KLHDC8A: variants seen among roughly 807,000 people sequenced by gnomAD.
The protein encoded by KLHDC8A is kelch domain containing 8A.
KLHDC8A carries 21 observed loss-of-function variants against 33.1 expected under a neutral mutation model. That is an observed-to-expected ratio of 0.64 (90% confidence interval 0.45 to 0.91). The LOEUF is 0.91. Ranked by LOEUF, KLHDC8A falls within the 40% of genes least tolerant of loss-of-function variation. The probability of loss-of-function intolerance (pLI) is 0.00; values close to 1 mark genes in which losing one functional copy is unlikely to be tolerated. For missense variants in KLHDC8A, 435 were observed against 483.3 expected (o/e 0.90, Z 0.94); for synonymous variants, 173 against 193.5 (o/e 0.89, Z 0.88).
chr1:205,352,818 G>A (rs1663153989), intron 1 of KLHDC8A, among the ~76,000 whole-genome samples: 1 of 152,226 alleles, frequency 6.6e-6, no homozygotes, highest in African/African-American at 2.4e-5. Flanking sequence ...CAGGGCCTTG[G>A]CCCTTGAGCA....
Position 205,349,642 on chromosome 1 carries a change from G to T in KLHDC8A, c.-189-5849C>A, listed in dbSNP as rs77808698. ...CTTCCCTGTGCTTACTGAGGAAATC[G>T]TAAGAGGAAATGGGGCTTACAATAA... On this transcript the variant is annotated intron_variant, in intron 1 of 5. Coordinates refer to ENST00000367155, the MANE Select transcript of KLHDC8A (RefSeq NM_018203.3). Among the ~76,000 whole-genome samples the T allele has an allele frequency of 9.2e-3, 1,404 of 152,312 alleles. 23 individuals are homozygous for T. Among genetic ancestry groups the T allele is most frequent in the African/African-American group, 0.032 (1,336 of 41,552 alleles).
At chr1:205,344,971 G>T (rs537904169) in intron 1 of KLHDC8A, among the ~76,000 whole-genome samples, 102 of 152,234 alleles carry the variant, frequency 6.7e-4, no homozygotes, top group African/African-American at 2.4e-3. Flanking sequence ...GAAACCTGAT[G>T]ATCAAATCTC....
chr1:205,339,540 A>T lies in KLHDC8A; in HGVS notation c.541+104T>A. 1.4e-6 allele frequency: 2 copies of T among 1,452,384 alleles called. No homozygotes were observed. Among genetic ancestry groups the T allele is most frequent in the South Asian group, 1.2e-5 (1 of 80,298 alleles). The allele number at this position is 1,452,384 out of a possible 1,614,324, so 90.0% of individuals were successfully genotyped here. ...TCCCGGTGGGCTGGGCAGTGTGATT[A>T]TCCCCAGTGCCGAGGAGATGCTCAG... On this transcript the variant is annotated intron_variant, in intron 3 of 5. Transcript: ENST00000367155. The surrounding 1 kb of genome is among the most constrained non-coding windows in gnomAD (Gnocchi z 5.1).
chr1:205,352,116 C>T (rs1377464468), intron 1 of KLHDC8A, among the ~76,000 whole-genome samples: 2 of 152,110 alleles, frequency 1.3e-5, no homozygotes, highest in East Asian at 3.9e-4. Context: ...CTCCAGAGAG[C>T]CGGGAAGTGA....
At chr1:205,356,156 T>C (rs72747084) in intron 1 of KLHDC8A, among the ~76,000 whole-genome samples, 2,382 of 151,600 alleles carry the variant, frequency 0.016, 35 homozygotes, top group Non-Finnish European at 0.023. Flanking sequence ...ATCCAGGGTT[T>C]ACCTCCCACG....
Position 205,343,652 on chromosome 1 carries a change from G to A in KLHDC8A, c.-48C>T, listed in dbSNP as rs752723251. 1 of 1,513,332 alleles carries A rather than the reference G, an allele frequency of 6.6e-7. No individual in the cohort carries two copies. Among genetic ancestry groups the A allele is most frequent in the Non-Finnish European group, 8.8e-7 (1 of 1,132,836 alleles). 93.7% of individuals were successfully genotyped at this position (1,513,332 alleles called of 1,614,324 possible). A position where few individuals can be genotyped will look rare whatever the true frequency, so the allele number is the denominator to read the frequency against. On this transcript the variant is annotated 5_prime_UTR_variant, in exon 2 of 6. Transcript: ENST00000367155. ...GCGCCGGGAGAGGTGCGAGCGCGGG[G>A]GTCCACCGGCTACTTGGCGCCGGCT...
rs185095723 is a variant in KLHDC8A at position 205,349,880 on chromosome 1, C to T, written c.-189-6087G>A. Reference sequence around the variant, plus strand: ...CCTCCAGCCTACGTTTTGTTGTAACCGGGCTGTGCAACTATGGGCAAGTCA... The same window carrying T: ...CCTCCAGCCTACGTTTTGTTGTAACTGGGCTGTGCAACTATGGGCAAGTCA... On this transcript the variant is annotated intron_variant, in intron 1 of 5. Coordinates refer to ENST00000367155, the MANE Select transcript of KLHDC8A (RefSeq NM_018203.3). Among the ~76,000 whole-genome samples the T allele has an allele frequency of 1.0e-3, 155 of 152,186 alleles. 1 individual carries two copies. The highest frequency in any genetic ancestry group is 1.1e-3 in the Non-Finnish European group (74 of 68,004).
At chr1:205,353,408 A>C (rs2102302716) in intron 1 of KLHDC8A, among the ~76,000 whole-genome samples, 1 of 152,224 alleles carries the variant, frequency 6.6e-6, no homozygotes, top group East Asian at 1.9e-4. Flanking sequence ...GTTGCAACAG[A>C]GAGCGCATGG....
At chr1:205,342,778 A>G (rs1168088495) in intron 2 of KLHDC8A, among the ~76,000 whole-genome samples, 1 of 152,190 alleles carries the variant, frequency 6.6e-6, no homozygotes, top group Non-Finnish European at 1.5e-5. Flanking sequence ...TTGAGAAAGG[A>G]AAATGAGAAT....
At chr1:205,348,083 C>G (rs1027503478) in intron 1 of KLHDC8A, among the ~76,000 whole-genome samples, 1 of 152,062 alleles carries the variant, frequency 6.6e-6, no homozygotes. Flanking sequence ...AATTTACATA[C>G]AATGAAATGC....
At chr1:205,342,826 ACTTAGTGAAACGC>A (rs1329126584) in intron 2 of KLHDC8A, among the ~76,000 whole-genome samples, 2 of 24,376 alleles carry the variant, frequency 8.2e-5, no homozygotes, top group Non-Finnish European at 1.7e-4. Flanking sequence ...TGCCCTGAGG[ACTTAGTGAAACGC>A]GGCCAGACAT....
chr1:205,337,679 A>C, intron 5 of KLHDC8A, 87 bp from the exon 6 acceptor site: 1 of 904,094 alleles, frequency 1.1e-6, no homozygotes, highest in African/African-American at 1.7e-5. Flanking sequence ...TCCCTTCGGC[A>C]CCCACAAGCA....
At position 205,343,616 on chromosome 1, in the gene KLHDC8A, G is replaced by A; in HGVS notation, c.-12C>T. The stretch of plus-strand genomic sequence containing the variant: ...TTAGGCACCTCCATGGCAGCCTTGG[G>A]GAGCGCCCGGGCGCCGGGAGAGGTG... On this transcript the variant is annotated 5_prime_UTR_variant, in exon 2 of 6. Transcript: ENST00000367155. The A allele has an allele frequency of 6.4e-7, 1 of 1,557,010 alleles. No individual in the cohort carries two copies. Among genetic ancestry groups the A allele is most frequent in the Non-Finnish European group, 8.7e-7 (1 of 1,149,490 alleles).
At chr1:205,355,469 A>G (rs956916692) in intron 1 of KLHDC8A, among the ~76,000 whole-genome samples, 4 of 152,224 alleles carry the variant, frequency 2.6e-5, no homozygotes, top group African/African-American at 7.2e-5. Flanking sequence ...TTAGCATGAT[A>G]ATAACCACCA....
At chr1:205,353,843 A>T (rs937107085) in intron 1 of KLHDC8A, among the ~76,000 whole-genome samples, 13 of 152,218 alleles carry the variant, frequency 8.5e-5, no homozygotes, top group African/African-American at 2.9e-4. Context: ...AATCTCTACA[A>T]CAACCTTGAG....
At position 205,339,387 on chromosome 1, in the gene KLHDC8A, C is replaced by T. The variant is rs150366273; in HGVS notation, c.564G>A (p.Ala188=). Residue 188 remains alanine (A), a synonymous_variant, in exon 4 of 6, where the codon GCG becomes GCA. Transcript: ENST00000367155. This position sits in a 1 kb window ranked among gnomAD's most constrained non-coding sequence, Gnocchi z 5.1. The part of the protein sequence containing the change: ...YVLGGRQSKY[A]VNAFEVFDIE... Reference sequence around the variant, plus strand: ...TGTCAAAGACCTCGAAAGCGTTGACCGCGTACTTGGACTGTCGTCCCCCTG... The same window carrying T: ...TGTCAAAGACCTCGAAAGCGTTGACTGCGTACTTGGACTGTCGTCCCCCTG... 111 of 1,613,808 alleles carry T rather than the reference C, an allele frequency of 6.9e-5. No homozygotes were observed. In the African/African-American group the frequency reaches 1.0e-3, roughly 15 times the overall value.
chr1:205,343,633 G>A lies in KLHDC8A; in HGVS notation c.-29C>T. ...AGCCTTGGGGAGCGCCCGGGCGCCG[G>A]GAGAGGTGCGAGCGCGGGGGTCCAC... is the stretch of plus-strand genomic sequence containing the variant. On this transcript the variant is annotated 5_prime_UTR_variant, in exon 2 of 6. Transcript: ENST00000367155. 1.3e-6 allele frequency: 2 copies of A among 1,540,418 alleles called. No homozygotes were observed. The highest frequency in any genetic ancestry group is 1.8e-6 in the Non-Finnish European group (2 of 1,142,424).
intron 1 of KLHDC8A, among the ~76,000 whole-genome samples, chr1:205,345,330 A>C (rs994282705): frequency 6.6e-6 from 1 of 152,208 alleles, no homozygotes; most frequent in South Asian, 2.1e-4. Context: ...TTAGATTCAC[A>C]TGCAGCTGTA....
rs1024399478 is a variant in KLHDC8A at position 205,339,331 on chromosome 1, T to C, written c.620A>G (p.Asn207Ser). 6.2e-7 allele frequency: 1 copy of C among 1,614,106 alleles called. No individual in the cohort carries two copies. Among genetic ancestry groups the C allele is most frequent in the African/African-American group, 1.3e-5 (1 of 74,946 alleles). ...IETRSWTKFP[N>S]IPYKRAFSSF... is the part of the protein sequence containing the mutation. ...GGAGAAGGCCCGCTTATAGGGAATG[T>C]TGGGAAACTTGGTCCAGGAGCGAGT... Residue 207 changes from asparagine (N) to serine (S), a missense_variant, in exon 4 of 6, where the codon AAC (asparagine) becomes AGC (serine). Coordinates refer to ENST00000367155, the MANE Select transcript of KLHDC8A (RefSeq NM_018203.3). The surrounding 1 kb of genome is among the most constrained non-coding windows in gnomAD (Gnocchi z 5.1).
Sources: allele counts gnomAD v4.1 joint callset (sites outside exome capture counted in the v4.1 genomes callset), GRCh38; gene constraint gnomAD v4.1.1; non-coding constraint Gnocchi (gnomAD v3.1); transcripts MANE v1.5; gene names NCBI Gene and HGNC (gene_info 2026-07-23, HGNC 2026-07-21).